DMBX1: variants seen among roughly 807,000 people sequenced by gnomAD.
The protein encoded by DMBX1 is diencephalon/mesencephalon homeobox protein 1.
A neutral mutation model predicts 30.4 loss-of-function variants in DMBX1; 7 were observed. The observed-to-expected ratio is 0.23, with a 90% confidence interval of 0.13 to 0.43. The LOEUF (loss-of-function observed/expected upper bound fraction) is 0.43, where lower values mean the gene tolerates loss of function less well. DMBX1 is among the 20% of genes least tolerant of loss of function. DMBX1 has a pLI of 1.00. For missense variants in DMBX1, 460 were observed against 508.5 expected (o/e 0.90, Z 0.92); for synonymous variants, 222 against 214.2 (o/e 1.04, Z -0.32).
chr1:46,496,817 G>A (rs992323295), intron 2 of DMBX1, among the ~76,000 whole-genome samples: 3 of 152,230 alleles, frequency 2.0e-5, no homozygotes, highest in African/African-American at 7.2e-5. Flanking sequence ...AGGTCACAAA[G>A]CAGCCTGGAG....
rs1299013012 is a variant in DMBX1, at chr1:46,507,127, T to G, written c.117T>G (p.Pro39=). Residue 39 remains proline (P), a synonymous_variant, in exon 3 of 6, where the codon CCT becomes CCG. Coordinates refer to ENST00000360032, the MANE Select transcript of DMBX1 (RefSeq NM_172225.2). The part of the protein sequence containing the change: ...QQAQHAPDYR[P]SVHALTLAER... ...CCCAGCATGCCCCCGACTACCGGCC[T>G]TCAGTGCATGCGCTTACATTGGCTG... is the stretch of plus-strand genomic sequence containing the variant. 1 of 1,614,214 alleles carries G rather than the reference T, an allele frequency of 6.2e-7. No individual in the cohort carries two copies. Among genetic ancestry groups the G allele is most frequent in the East Asian group, 2.2e-5 (1 of 44,874 alleles).
At chr1:46,490,865 G>A (rs1202266729) in intron 2 of DMBX1, among the ~76,000 whole-genome samples, 82 bp downstream of exon 2, 1 of 152,234 alleles carries the variant, frequency 6.6e-6, no homozygotes, top group Admixed American at 6.5e-5. Context: ...GGTCAGGCGA[G>A]CTCCGGCGAG....
Position 46,491,723 on chromosome 1 carries a change from G to A in DMBX1, c.-13+940G>A, listed in dbSNP as rs1665932163. ...AAGTTCTATGGTCTGTTAGTTTTAG[G>A]TGGGTGTAGTGGGGGTTGTTTTCAA... On this transcript the variant is annotated intron_variant, in intron 2 of 5. Coordinates refer to ENST00000360032, the MANE Select transcript of DMBX1 (RefSeq NM_172225.2). The surrounding 1 kb of genome is among the most constrained non-coding windows in gnomAD (Gnocchi z 5.5). 6.6e-6 allele frequency among the ~76,000 whole-genome samples: 1 copy of A among 152,184 alleles called. No homozygotes were observed. Among genetic ancestry groups the A allele is most frequent in the African/African-American group, 2.4e-5 (1 of 41,430 alleles).
intron 5 of DMBX1, among the ~76,000 whole-genome samples, chr1:46,511,712 G>T (rs1459343951): frequency 6.6e-6 from 1 of 152,050 alleles, no homozygotes; most frequent in African/African-American, 2.4e-5. Flanking sequence ...GCAGGGAGGG[G>T]ACAGGGGCTG....
chr1:46,511,401 C>T, intron 5 of DMBX1, 118 bp downstream of exon 5: 1 of 1,163,658 alleles, frequency 8.6e-7, no homozygotes, highest in Non-Finnish European at 1.2e-6. Context: ...AAAGGACTGA[C>T]CACAGCAGGC....
rs1380487557 is a variant in DMBX1, at chr1:46,514,393, A to G, written c.*1899A>G. ...TTAAATTGACAACAGAAGGTTCTCA[A>G]AAGCACAATATATGAAGTAGGAAAT... On this transcript the variant is annotated 3_prime_UTR_variant, in exon 6 of 6. Transcript: ENST00000360032. Among the ~76,000 whole-genome samples the G allele has an allele frequency of 2.0e-5, 3 of 152,210 alleles. No homozygotes were observed. Among genetic ancestry groups the G allele is most frequent in the Non-Finnish European group, 4.4e-5 (3 of 68,032 alleles).
chr1:46,491,419 A>G lies in DMBX1; in HGVS notation c.-13+636A>G, dbSNP rs1396003288. Among the ~76,000 whole-genome samples, 3 of 152,212 alleles carry G rather than the reference A, an allele frequency of 2.0e-5. No individual in the cohort carries two copies. The highest frequency in any genetic ancestry group is 7.2e-5 in the African/African-American group (3 of 41,450). On this transcript the variant is annotated intron_variant, in intron 2 of 5. Coordinates refer to ENST00000360032, the MANE Select transcript of DMBX1 (RefSeq NM_172225.2). This position sits in a 1 kb window ranked among gnomAD's most constrained non-coding sequence, Gnocchi z 5.5. ...CCAGAAGGTCTTTTTCGTTTGAGAA[A>G]AGTCCTCGGAGGCCGGGGCAGGGTG...
chr1:46,508,312 A>G (rs1328121136), intron 3 of DMBX1, among the ~76,000 whole-genome samples: 1 of 152,180 alleles, frequency 6.6e-6, no homozygotes, highest in African/African-American at 2.4e-5. Flanking sequence ...GTAGTCAGGA[A>G]GAGCTTTCTG....
In DMBX1 at chr1:46,499,099, C is replaced by T. The variant is rs539724797; in HGVS notation, c.-12-7900C>T. On this transcript the variant is annotated intron_variant, in intron 2 of 5. Coordinates refer to ENST00000360032, the MANE Select transcript of DMBX1 (RefSeq NM_172225.2). ...CTCTGTCACCCAGGCTGCAGTGGCG[C>T]GATCTCTGCTCACTGCAACCTCCGC... is the stretch of plus-strand genomic sequence containing the variant. 5.9e-4 allele frequency among the ~76,000 whole-genome samples: 90 copies of T among 151,618 alleles called. No homozygotes were observed. The South Asian group carries it at 9.8e-3, about 16-fold the overall frequency.
intron 2 of DMBX1, among the ~76,000 whole-genome samples, chr1:46,502,796 C>A (rs1666162053): frequency 6.6e-6 from 1 of 152,160 alleles, no homozygotes; most frequent in Admixed American, 6.5e-5. Context: ...GGGAGGACTG[C>A]CTGAGCCCCA....
intron 3 of DMBX1, among the ~76,000 whole-genome samples, chr1:46,508,934 G>A (rs1666295554): frequency 6.6e-6 from 1 of 151,054 alleles, no homozygotes; most frequent in Admixed American, 6.6e-5. Flanking sequence ...CCCTGCCCCA[G>A]GATGACTCAG....
Position 46,510,701 on chromosome 1 carries a change from C to T in DMBX1, c.333+47C>T, listed in dbSNP as rs1424297824. The T allele has an allele frequency of 6.3e-7, 1 of 1,584,348 alleles. No homozygotes were observed. Among genetic ancestry groups the T allele is most frequent in the East Asian group, 2.2e-5 (1 of 44,448 alleles). On this transcript the variant is annotated intron_variant, in intron 4 of 5. Transcript: ENST00000360032. The surrounding 1 kb of genome is among the most constrained non-coding windows in gnomAD (Gnocchi z 4.1). ...TAGGCCTTGCAGACAAACACCAGCC[C>T]ATCAGTCTGCCCGCTTGTCCAGGAG... is the stretch of plus-strand genomic sequence containing the variant.
chr1:46,501,078 G>A (rs991752100), intron 2 of DMBX1, among the ~76,000 whole-genome samples: 1 of 152,060 alleles, frequency 6.6e-6, no homozygotes, highest in African/African-American at 2.4e-5. Flanking sequence ...AGATAACCCT[G>A]TGTAATAATT....
rs1385210972 is a variant in DMBX1, at chr1:46,493,095, G to GC, written c.-13+2318dup. On this transcript the variant is annotated intron_variant, in intron 2 of 5. Coordinates refer to ENST00000360032, the MANE Select transcript of DMBX1 (RefSeq NM_172225.2). This position sits in a 1 kb window ranked among gnomAD's most constrained non-coding sequence, Gnocchi z 4.1. Reference sequence around the variant, plus strand: ...TCCCCCACCCCTGCCTTCCCATTTCGCCCCCCACCCCACCCCTTTCTCACA... The same window carrying GC: ...TCCCCCACCCCTGCCTTCCCATTTCGCCCCCCCACCCCACCCCTTTCTCACA... 2.0e-5 allele frequency among the ~76,000 whole-genome samples: 3 copies of GC among 151,178 alleles called. No individual in the cohort carries two copies. Among genetic ancestry groups the GC allele is most frequent in the Non-Finnish European group, 4.4e-5 (3 of 67,766 alleles).
At chr1:46,492,528 C>A (rs1196729208) in intron 2 of DMBX1, among the ~76,000 whole-genome samples, 2 of 152,216 alleles carry the variant, frequency 1.3e-5, no homozygotes, top group East Asian at 3.9e-4. Context: ...AGCAACCAAT[C>A]TGGTTTGACG....
At position 46,514,623 on chromosome 1, in the gene DMBX1, C is replaced by G. The variant is rs12089822; in HGVS notation, c.*2129C>G. ...GGCTCTGGGCAGTGGGAGGTGATGG[C>G]TTGGACAGATTCTTGGTCATGCTCC... On this transcript the variant is annotated 3_prime_UTR_variant, in exon 6 of 6. Coordinates refer to ENST00000360032, the MANE Select transcript of DMBX1 (RefSeq NM_172225.2). Among the ~76,000 whole-genome samples, 3,959 of 152,138 alleles carry G rather than the reference C, an allele frequency of 0.026. 167 individuals are homozygous for G. Among genetic ancestry groups the G allele is most frequent in the African/African-American group, 0.09 (3,745 of 41,486 alleles).
At position 46,490,491 on chromosome 1, in the gene DMBX1, C is replaced by G. The variant is rs954884561; in HGVS notation, c.-152-153C>G. ...ATGCGGCCTGGGGAGTTGCGGAGCC[C>G]TGGGCGGGGGCTGGGGAGGGGGCGC... On this transcript the variant is annotated intron_variant, in intron 1 of 5. Coordinates refer to ENST00000360032, the MANE Select transcript of DMBX1 (RefSeq NM_172225.2). Among the ~76,000 whole-genome samples the G allele has an allele frequency of 2.0e-5, 3 of 150,852 alleles. No individual in the cohort carries two copies. In the South Asian group the frequency reaches 6.4e-4, roughly 32 times the overall value.
At chr1:46,495,119 G>T (rs1666003377) in intron 2 of DMBX1, among the ~76,000 whole-genome samples, 2 of 152,184 alleles carry the variant, frequency 1.3e-5, no homozygotes, top group South Asian at 4.1e-4. Context: ...TTGGACATTG[G>T]CCCACTCTCA....
intron 2 of DMBX1, among the ~76,000 whole-genome samples, chr1:46,496,796 G>A (rs1031426100): frequency 2.0e-5 from 3 of 152,194 alleles, no homozygotes; most frequent in African/African-American, 7.2e-5. Flanking sequence ...GAGATGGTAG[G>A]ACGCTAGCCA....
Sources: gnomAD v4.1 joint callset for allele counts (sites outside exome capture counted in the v4.1 genomes callset) on GRCh38, gnomAD v4.1.1 for gene constraint, Gnocchi (gnomAD v3.1) non-coding constraint, MANE v1.5 for transcripts, NCBI Gene and HGNC (gene_info 2026-07-23, HGNC 2026-07-21) for gene names.